Variants in PLSCR3 observed in about 807,000 individuals in gnomAD.
PLSCR3 encodes PL scramblase 3.
In PLSCR3, 17 loss-of-function variants were observed where a neutral mutation model predicts 33.7. That is an observed-to-expected ratio of 0.50 (90% CI 0.35 to 0.76). The LOEUF (loss-of-function observed/expected upper bound fraction) is 0.76. Among genes scored for constraint, PLSCR3 ranks in the 30% least tolerant of loss-of-function variants. The pLI, the probability that PLSCR3 is intolerant of heterozygous loss-of-function variation, is 0.01. For synonymous variants in PLSCR3, 166 were observed against 166.0 expected (o/e 1.00, Z 0.00); for missense variants, 360 against 394.1 (o/e 0.91, Z 0.73).
chr17:7,394,464 T>A lies in PLSCR3; in HGVS notation c.-158+13A>T. The A allele has an allele frequency of 4.6e-6, 1 of 219,226 alleles. No individual in the cohort carries two copies. The highest frequency in any genetic ancestry group is 9.0e-6 in the Non-Finnish European group (1 of 110,560). 13.6% of individuals were successfully genotyped at this position (219,226 alleles called of 1,614,324 possible). On this transcript the variant is annotated intron_variant, in intron 1 of 7. Coordinates refer to ENST00000619711, the MANE Select transcript of PLSCR3 (RefSeq NM_020360.4). The surrounding 1 kb of genome is among the most constrained non-coding windows in gnomAD (Gnocchi z 5.3). ...AAGGGCGGTCTCCCTGACCCCTCTG[T>A]GCCCCCGCTCACCTGGAGCCCCCAG...
chr17:7,394,250 G>A lies in PLSCR3; in HGVS notation c.-140C>T. 1 of 748,014 alleles carries A rather than the reference G, an allele frequency of 1.3e-6. No individual in the cohort carries two copies. Among genetic ancestry groups the A allele is most frequent in the East Asian group, 2.7e-5 (1 of 37,260 alleles). 46.3% of individuals were successfully genotyped at this position (748,014 alleles called of 1,614,324 possible). A position where few individuals can be genotyped will look rare whatever the true frequency, so the allele number is the denominator to read the frequency against. ...CAGCTGCGCCCGGCGCCGGCCCAGG[G>A]TCTCTTGGGCGGCGCCTCTGACTCG... is the stretch of plus-strand genomic sequence containing the variant. On this transcript the variant is annotated 5_prime_UTR_variant, in exon 2 of 8. Coordinates refer to ENST00000619711, the MANE Select transcript of PLSCR3 (RefSeq NM_020360.4). The surrounding 1 kb of genome is among the most constrained non-coding windows in gnomAD (Gnocchi z 5.3).
Position 7,392,857 on chromosome 17 carries a change from G to A in PLSCR3, c.603C>T (p.Arg201=). The A allele has an allele frequency of 6.2e-7, 1 of 1,614,100 alleles. No homozygotes were observed. Among genetic ancestry groups the A allele is most frequent in the African/African-American group, 1.3e-5 (1 of 75,026 alleles). Residue 201 remains arginine (R), a synonymous_variant, in exon 6 of 8, where the codon CGC becomes CGT. Transcript: ENST00000619711. ...GCCCCACCACTCGCAAGACTGTCTGGCGATCGGCATCCTGGATGGAGAACT... is the reference window on the plus strand; with the variant it reads ...GCCCCACCACTCGCAAGACTGTCTGACGATCGGCATCCTGGATGGAGAACT... ...LPKFSIQDAD[R]QTVLRVVGPC...
At chr17:7,393,978 G>A (rs1203687431) in intron 2 of PLSCR3, 126 bp downstream of exon 2, 2 of 1,220,198 alleles carry the variant, frequency 1.6e-6, no homozygotes, top group Non-Finnish European at 2.4e-6. Context: ...CAGGGTGGAG[G>A]TTCCCCGGAA....
At chr17:7,392,620 G>A (rs1368021919) in intron 6 of PLSCR3, among the ~76,000 whole-genome samples, 171 bp downstream of exon 6, 1 of 152,172 alleles carries the variant, frequency 6.6e-6, no homozygotes, top group Non-Finnish European at 1.5e-5. Flanking sequence ...GCTTTTATAA[G>A]AGCACAGGGC....
In PLSCR3 at chr17:7,394,133, A is replaced by G. The variant is rs4613118; in HGVS notation, c.-23T>C. The G allele has an allele frequency of 0.8, 1,286,546 of 1,610,976 alleles. 530,043 individuals carry two copies. The highest frequency in any genetic ancestry group is 0.86 in the Non-Finnish European group (1,011,593 of 1,178,138). ...CATGGGAGAAGGGCTGGGGTTTTCGAGATGATGGTGTCTGGGTGGCTTAGT... is the reference window on the plus strand; with the variant it reads ...CATGGGAGAAGGGCTGGGGTTTTCGGGATGATGGTGTCTGGGTGGCTTAGT... On this transcript the variant is annotated 5_prime_UTR_variant, in exon 2 of 8. Transcript: ENST00000619711. The surrounding 1 kb of genome is among the most constrained non-coding windows in gnomAD (Gnocchi z 5.3).
rs753264254 is a variant in PLSCR3, at chr17:7,393,273, G to GCCA, written c.377_378insTGG (p.Cys126_Ala127insGly). 1 of 1,606,756 alleles carries GCCA rather than the reference G, an allele frequency of 6.2e-7. No homozygotes were observed. Among genetic ancestry groups the GCCA allele is most frequent in the Admixed American group, 1.7e-5 (1 of 59,866 alleles). Reference sequence around the variant, plus strand: ...GGCGGGCGCCACAGCACAGACGGGCGCAGCAGTTGCTCTCCTCGGCCGCCT... The same window carrying GCCA: ...GGCGGGCGCCACAGCACAGACGGGCGCCACAGCAGTTGCTCTCCTCGGCCGCCT... On this transcript the variant is annotated inframe_insertion, in exon 5 of 8. Coordinates refer to ENST00000619711, the MANE Select transcript of PLSCR3 (RefSeq NM_020360.4).
Position 7,393,733 on chromosome 17 carries a change from T to G in PLSCR3, c.111A>C (p.Pro37=), listed in dbSNP as rs1905939189. The G allele has an allele frequency of 1.3e-6, 2 of 1,522,092 alleles. No homozygotes were observed. Among genetic ancestry groups the G allele is most frequent in the Non-Finnish European group, 1.7e-6 (2 of 1,145,074 alleles). 94.3% of individuals were successfully genotyped at this position (1,522,092 alleles called of 1,614,324 possible). The change falls in exon 3 of 8, where the codon CCA becomes CCC. Residue 37 remains proline, a synonymous_variant. Coordinates refer to ENST00000619711, the MANE Select transcript of PLSCR3 (RefSeq NM_020360.4). ...CTGGGGCAGGTACCTGGGCGGGCAC[T>G]GGCGCCTGCCCGGGCCCAGGATGTA... The part of the protein sequence containing the change: ...PALHPGPGQA[P]VPAQVPAPAP...
chr17:7,390,123 T>G lies in PLSCR3; in HGVS notation c.*262A>C. 2 of 403,424 alleles carry G rather than the reference T, an allele frequency of 5.0e-6. No homozygotes were observed. Among genetic ancestry groups the G allele is most frequent in the African/African-American group, 2.0e-5 (1 of 49,758 alleles). 25.0% of individuals were successfully genotyped at this position (403,424 alleles called of 1,614,324 possible). On this transcript the variant is annotated 3_prime_UTR_variant, in exon 8 of 8. Transcript: ENST00000619711. ...CTGGAAGGGGGTGGGAGAGAGTGCATGGGGAAAGTGTGAAAGCTGATATGC... is the reference window on the plus strand; with the variant it reads ...CTGGAAGGGGGTGGGAGAGAGTGCAGGGGGAAAGTGTGAAAGCTGATATGC...
chr17:7,390,251 A>G lies in PLSCR3; in HGVS notation c.*134T>C. On this transcript the variant is annotated 3_prime_UTR_variant, in exon 8 of 8. Transcript: ENST00000619711. ...CCACAGGGGCAGGCGGCCAGGGAGT[A>G]GGGTAGGGATGGGGCCCCCCTTCTG... 3.3e-6 allele frequency: 2 copies of G among 610,308 alleles called. No homozygotes were observed. The highest frequency in any genetic ancestry group is 4.4e-4 in the Middle Eastern group (1 of 2,298). The allele number at this position is 610,308 out of a possible 1,614,324, so 37.8% of individuals were successfully genotyped here. A position where few individuals can be genotyped will look rare whatever the true frequency, so the allele number is the denominator to read the frequency against.
At chr17:7,392,309 T>C (rs904611039) in intron 6 of PLSCR3, among the ~76,000 whole-genome samples, 1 of 152,230 alleles carries the variant, frequency 6.6e-6, no homozygotes, top group Non-Finnish European at 1.5e-5. Context: ...ACTTGGGATC[T>C]CTAGCTTCCA....
Position 7,390,635 on chromosome 17 carries a change from A to T in PLSCR3, c.830T>A (p.Ile277Asn), listed in dbSNP as rs745587640. The T allele has an allele frequency of 1.2e-6, 2 of 1,613,836 alleles. No individual in the cohort carries two copies. The highest frequency in any genetic ancestry group is 1.7e-6 in the Non-Finnish European group (2 of 1,179,840). ...TGGGGGCAGGGGCAGCCAACTCACAATGAGGAATGTGGCTCCCAGCAGCAC... is the reference window on the plus strand; with the variant it reads ...TGGGGGCAGGGGCAGCCAACTCACATTGAGGAATGTGGCTCCCAGCAGCAC... ...KAVLLGATFL[I>N]DYMFFEKRGG... The change falls in exon 7 of 8, where the codon ATT becomes AAT. Residue 277 changes from isoleucine to asparagine, a missense_variant and splice_region_variant. Physicochemically the swap from Ile to Asn is moderately radical, Grantham distance 149. Transcript: ENST00000619711.
chr17:7,393,146 C>G lies in PLSCR3; in HGVS notation c.505G>C (p.Glu169Gln), dbSNP rs1380458150. ...GCSCCPCGLQ[E>Q]MEVQAPPGTT... ...CCCGGCCCCCTCCCTCCGCCCACCTCCTGGAGGCCACAGGGGCAGCAGCTG... is the reference window on the plus strand; with the variant it reads ...CCCGGCCCCCTCCCTCCGCCCACCTGCTGGAGGCCACAGGGGCAGCAGCTG... Residue 169 changes from glutamate (E) to glutamine (Q), a missense_variant and splice_region_variant, in exon 5 of 8, where the codon GAG (glutamate) becomes CAG (glutamine). By Grantham distance (29) the Glu-to-Gln change is conservative. Coordinates refer to ENST00000619711, the MANE Select transcript of PLSCR3 (RefSeq NM_020360.4). 6.9e-7 allele frequency: 1 copy of G among 1,455,220 alleles called. No homozygotes were observed. The highest frequency in any genetic ancestry group is 2.5e-5 in the East Asian group (1 of 40,360). The allele number at this position is 1,455,220 out of a possible 1,614,324, so 90.1% of individuals were successfully genotyped here. A position where few individuals can be genotyped will look rare whatever the true frequency, so the allele number is the denominator to read the frequency against.
In PLSCR3 at chr17:7,390,394, G is replaced by A. The variant is rs1399263406; in HGVS notation, c.879C>T (p.Val293=). ...EKRGGAGPSA[V]TS is the part of the protein sequence containing the mutation. ...CACACCATGGTGGCCTCTAACTGGT[G>A]ACGGCAGAGGGCCCAGCGCCTCCTC... Residue 293 remains valine (V), a synonymous_variant, in exon 8 of 8, where the codon GTC becomes GTT. Transcript: ENST00000619711. 7.1e-6 allele frequency: 11 copies of A among 1,552,798 alleles called. No individual in the cohort carries two copies. Among genetic ancestry groups the A allele is most frequent in the African/African-American group, 1.4e-5 (1 of 73,184 alleles).
rs1415389353 is a variant in PLSCR3, at chr17:7,391,477, G to A, written c.670-682C>T. Among the ~76,000 whole-genome samples the A allele has an allele frequency of 1.3e-5, 2 of 152,192 alleles. No individual in the cohort carries two copies. Among genetic ancestry groups the A allele is most frequent in the East Asian group, 1.9e-4 (1 of 5,196 alleles). ...ACAGCAACAGGCTCTGCTGATGTGG[G>A]TAGTTACTCCCCGTGACTTCCTGGT... On this transcript the variant is annotated intron_variant, in intron 6 of 7. Coordinates refer to ENST00000619711, the MANE Select transcript of PLSCR3 (RefSeq NM_020360.4). The surrounding 1 kb of genome is among the most constrained non-coding windows in gnomAD (Gnocchi z 4.1).
intron 4 of PLSCR3, 23 bp downstream of exon 4, chr17:7,393,444 A>C: frequency 6.2e-7 from 1 of 1,613,976 alleles, no homozygotes; most frequent in Non-Finnish European, 8.5e-7. Flanking sequence ...CATGAGGTCC[A>C]ACCTCCCACT....
At position 7,393,703 on chromosome 17, in the gene PLSCR3, G is replaced by C. The variant is rs1483159301; in HGVS notation, c.141C>G (p.Pro47=). ...CAGGCGAGGGGAAGAGGGCGAAGCC[G>C]GGAGCTGGGGCAGGTACCTGGGCGG... ...PVPAQVPAPA[P]GFALFPSPGP... is the part of the protein sequence containing the mutation. The change falls in exon 3 of 8, where the codon CCC becomes CCG. Residue 47 remains proline (P), a synonymous_variant. Transcript: ENST00000619711. 4.5e-6 allele frequency: 7 copies of C among 1,556,796 alleles called. No individual in the cohort carries two copies. Among genetic ancestry groups the C allele is most frequent in the Non-Finnish European group, 6.0e-6 (7 of 1,159,408 alleles).
chr17:7,392,648 G>A (rs1429449571), intron 6 of PLSCR3, 143 bp downstream of exon 6: 2 of 775,156 alleles, frequency 2.6e-6, no homozygotes, highest in Non-Finnish European at 4.5e-6. Flanking sequence ...TTTCCAAATG[G>A]AGGAATGCTA....
chr17:7,394,371 C>T lies in PLSCR3; in HGVS notation c.-157-104G>A, dbSNP rs532640929. ...CCGCCCCCTCCCTTTGTTCTCCCAT[C>T]CTGCGGAGGAGGCTGTGGGCCGACG... On this transcript the variant is annotated intron_variant, in intron 1 of 7. Transcript: ENST00000619711. The surrounding 1 kb of genome is among the most constrained non-coding windows in gnomAD (Gnocchi z 5.3). 2.1e-6 allele frequency: 1 copy of T among 474,624 alleles called. No homozygotes were observed. Among genetic ancestry groups the T allele is most frequent in the Admixed American group, 3.5e-5 (1 of 28,736 alleles). The allele number at this position is 474,624 out of a possible 1,614,324, so 29.4% of individuals were successfully genotyped here.
chr17:7,392,823 T>C lies in PLSCR3; in HGVS notation c.637A>G (p.Thr213Ala), dbSNP rs1242396065. The C allele has an allele frequency of 9.9e-6, 16 of 1,613,958 alleles. No homozygotes were observed. Among genetic ancestry groups the C allele is most frequent in the Non-Finnish European group, 1.2e-5 (14 of 1,179,994 alleles). The change falls in exon 6 of 8, where the codon ACC becomes GCC. Residue 213 changes from threonine (T) to alanine (A), a missense_variant. Thr to Ala is a moderately conservative substitution (Grantham distance 58, BLOSUM62 0). Coordinates refer to ENST00000619711, the MANE Select transcript of PLSCR3 (RefSeq NM_020360.4). ...TVLRVVGPCWTCGCGTDTNFE... is the reference protein window; with the variant it reads ...TVLRVVGPCWACGCGTDTNFE... Reference sequence around the variant, plus strand: ...TTGGTGTCTGTGCCACAGCCACAGGTCCAGCAGGGCCCCACCACTCGCAAG... The same window carrying C: ...TTGGTGTCTGTGCCACAGCCACAGGCCCAGCAGGGCCCCACCACTCGCAAG...
Sources: allele counts gnomAD v4.1 joint callset (sites outside exome capture counted in the v4.1 genomes callset), GRCh38; gene constraint gnomAD v4.1.1; non-coding constraint Gnocchi (gnomAD v3.1); transcripts MANE v1.5; gene names NCBI Gene and HGNC (gene_info 2026-07-23, HGNC 2026-07-21).